The following LARS2 variants were observed in gnomAD, a reference collection of about 807,000 sequenced individuals.
LARS2 encodes the protein leucine--tRNA ligase, mitochondrial.
In LARS2, 81 loss-of-function variants were observed where a neutral mutation model predicts 116.6. The ratio of observed to expected loss-of-function variants is 0.69; its 90% confidence interval spans 0.58 to 0.84. The LOEUF is 0.84. Ranked by LOEUF, LARS2 falls within the 40% of genes least tolerant of loss-of-function variation. The pLI is 0.00. For missense variants in LARS2, 968 were observed against 1,114.5 expected, an observed-to-expected ratio of 0.87 and a Z score of 1.87; for synonymous variants, 396 against 407.2, an observed-to-expected ratio of 0.97 and a Z score of 0.33.
In LARS2 at chr3:45,520,088, A is replaced by G. The variant is rs1258642603; in HGVS notation, c.2215-131A>G. On this transcript the variant is annotated intron_variant, in intron 18 of 21. Transcript: ENST00000645846. ...AGATGAAACATAGCGATTATTTGAG[A>G]TAGTAGATATATTTATAAATATCTT... 7.7e-6 allele frequency: 5 copies of G among 652,790 alleles called. No individual in the cohort carries two copies. The East Asian group carries it at 1.4e-4, about 18-fold the overall frequency. The allele number at this position is 652,790 out of a possible 1,614,324, so 40.4% of individuals were successfully genotyped here. A position where few individuals can be genotyped will look rare whatever the true frequency, so the allele number is the denominator to read the frequency against.
intron 13 of LARS2, among the ~76,000 whole-genome samples, chr3:45,493,798 A>G (rs1315260244): frequency 1.3e-5 from 2 of 152,042 alleles, no homozygotes; most frequent in Non-Finnish European, 2.9e-5. Context: ...AGTATCAGCA[A>G]TAAAACATGT....
chr3:45,445,349 C>A (rs1182853563), intron 6 of LARS2, among the ~76,000 whole-genome samples: 1 of 152,182 alleles, frequency 6.6e-6, no homozygotes, highest in African/African-American at 2.4e-5. Flanking sequence ...AAAACAAGTT[C>A]TGTGCCATGC....
chr3:45,448,951 A>G (rs769243956), intron 7 of LARS2, among the ~76,000 whole-genome samples: 6 of 152,206 alleles, frequency 3.9e-5, no homozygotes, highest in Non-Finnish European at 7.3e-5. Flanking sequence ...CTTGTTCCCA[A>G]CACAATAGAA....
At position 45,405,487 on chromosome 3, in the gene LARS2, A is replaced by G. The variant is rs552532327; in HGVS notation, c.363+5114A>G. ...TGGACTAAGTGTTCATTGTGCATAT[A>G]TAGCCCAGAATAATGTTTCTCAAAC... On this transcript the variant is annotated intron_variant, in intron 4 of 21. Coordinates refer to ENST00000645846, the MANE Select transcript of LARS2 (RefSeq NM_015340.4). Among the ~76,000 whole-genome samples the G allele has an allele frequency of 1.6e-4, 24 of 152,344 alleles. No homozygotes were observed. In the South Asian group the frequency reaches 4.1e-3, roughly 26 times the overall value.
intron 19 of LARS2, among the ~76,000 whole-genome samples, chr3:45,523,710 A>T (rs1356573973): frequency 2.0e-5 from 3 of 150,760 alleles, no homozygotes; most frequent in Non-Finnish European, 3.0e-5. Flanking sequence ...TTTATTTTTT[A>T]ATTTTTCATA....
intron 4 of LARS2, among the ~76,000 whole-genome samples, chr3:45,413,720 ATG>A (rs1698371944): frequency 6.6e-6 from 1 of 152,222 alleles, no homozygotes; most frequent in East Asian, 1.9e-4. Flanking sequence ...AAAAATATTA[ATG>A]TGCATAGTGG....
chr3:45,470,175 G>A (rs1370901144), intron 8 of LARS2, among the ~76,000 whole-genome samples: 1 of 151,984 alleles, frequency 6.6e-6, no homozygotes, highest in Non-Finnish European at 1.5e-5. Flanking sequence ...TCTCATTTGT[G>A]GTCATGTCGT....
At chr3:45,488,984 C>G (rs920889562) in intron 12 of LARS2, among the ~76,000 whole-genome samples, 172 bp downstream of exon 12, 4 of 152,176 alleles carry the variant, frequency 2.6e-5, no homozygotes, top group African/African-American at 9.7e-5. Context: ...AGAAGTTTGC[C>G]AATTGTAAAT....
At chr3:45,547,194 A>G (rs966154530) in intron 21 of LARS2, among the ~76,000 whole-genome samples, 157 bp from the exon 22 acceptor site, 3 of 152,136 alleles carry the variant, frequency 2.0e-5, no homozygotes, top group African/African-American at 4.8e-5. Flanking sequence ...TTTTACCCTT[A>G]TGGGAAGCAG....
intron 8 of LARS2, among the ~76,000 whole-genome samples, chr3:45,461,339 C>A (rs959808495): frequency 7.2e-5 from 11 of 151,934 alleles, no homozygotes; most frequent in Admixed American, 7.2e-4. Flanking sequence ...AAGCTCCCCC[C>A]TCACACACCT....
chr3:45,407,630 T>C (rs1465216923), intron 4 of LARS2, among the ~76,000 whole-genome samples: 1 of 152,218 alleles, frequency 6.6e-6, no homozygotes, highest in Non-Finnish European at 1.5e-5. Context: ...TTCTTGGAAA[T>C]AAGAAGTGTT....
chr3:45,489,549 A>G (rs1699875287), intron 12 of LARS2, among the ~76,000 whole-genome samples: 3 of 151,914 alleles, frequency 2.0e-5, no homozygotes, highest in Admixed American at 2.0e-4. Flanking sequence ...CAGGGAACAC[A>G]TTTTGAGAAT....
chr3:45,449,599 G>A (rs1034399072), intron 7 of LARS2, among the ~76,000 whole-genome samples: 1 of 152,140 alleles, frequency 6.6e-6, no homozygotes, highest in Non-Finnish European at 1.5e-5. Flanking sequence ...TGTTGCATTA[G>A]GGATTAAGTT....
chr3:45,491,607 C>A lies in LARS2; in HGVS notation c.1330C>A (p.Leu444Met). ...GGGTGGAGACGTGACAAGTGATAAA[C>A]TGAAAGACTGGCTGATTTCACGGCA... Reference protein sequence around the residue: ...RVGGDVTSDKLKDWLISRQRY... With the variant: ...RVGGDVTSDKMKDWLISRQRY... The change falls in exon 13 of 22, where the codon CTG (leucine) becomes ATG (methionine). Residue 444 changes from leucine (L) to methionine (M), a missense_variant. Physicochemically the swap from Leu to Met is conservative, Grantham distance 15 (BLOSUM62 2). Coordinates refer to ENST00000645846, the MANE Select transcript of LARS2 (RefSeq NM_015340.4). 6.2e-7 allele frequency: 1 copy of A among 1,614,212 alleles called. No individual in the cohort carries two copies. The highest frequency in any genetic ancestry group is 8.5e-7 in the Non-Finnish European group (1 of 1,180,040).
In LARS2 at chr3:45,547,838, C is replaced by G; in HGVS notation, c.*308C>G. On this transcript the variant is annotated 3_prime_UTR_variant, in exon 22 of 22. Transcript: ENST00000645846. Reference sequence around the variant, plus strand: ...ATCCCATGGGAAGCCATCAGAGACACTGCTGGTGGGAGCAGGAAGGAGCAG... The same window carrying G: ...ATCCCATGGGAAGCCATCAGAGACAGTGCTGGTGGGAGCAGGAAGGAGCAG... 3.8e-6 allele frequency: 1 copy of G among 261,986 alleles called. No individual in the cohort carries two copies. Among genetic ancestry groups the G allele is most frequent in the African/African-American group, 2.2e-5 (1 of 44,848 alleles). The allele number at this position is 261,986 out of a possible 1,614,324, so 16.2% of individuals were successfully genotyped here.
At chr3:45,394,755 C>A in intron 3 of LARS2, 68 bp downstream of exon 3, 1 of 1,027,876 alleles carries the variant, frequency 9.7e-7, no homozygotes, top group Non-Finnish European at 1.5e-6. Flanking sequence ...TGGGGTTAGA[C>A]TACCTGGTTC....
chr3:45,476,611 C>G lies in LARS2; in HGVS notation c.1002C>G (p.Ala334=), dbSNP rs1479323562. Residue 334 remains alanine (A), a synonymous_variant, in exon 10 of 22, where the codon GCC becomes GCG. Transcript: ENST00000645846. ...CTCTGAAGGAAGCCTTGAGGATGGC[C>G]CTTGTCCCTGGCAAAGGTGAGCTGG... ...HSSLKEALRM[A]LVPGKDCLTP... The G allele has an allele frequency of 6.2e-7, 1 of 1,614,070 alleles. No individual in the cohort carries two copies. Among genetic ancestry groups the G allele is most frequent in the Admixed American group, 1.7e-5 (1 of 60,010 alleles).
intron 4 of LARS2, among the ~76,000 whole-genome samples, chr3:45,415,218 G>A (rs902157689): frequency 1.3e-5 from 2 of 152,138 alleles, no homozygotes; most frequent in African/African-American, 4.8e-5. Context: ...AGGGGTTGGG[G>A]GGTAGAGGAT....
chr3:45,439,365 C>T (rs1231428392), intron 6 of LARS2, among the ~76,000 whole-genome samples: 3 of 151,678 alleles, frequency 2.0e-5, no homozygotes, highest in African/African-American at 7.3e-5. Context: ...GGATTACAGG[C>T]GCCCACCACC....
Sources: allele counts gnomAD v4.1 joint callset (sites outside exome capture counted in the v4.1 genomes callset), GRCh38; gene constraint gnomAD v4.1.1; transcripts MANE v1.5; gene names NCBI Gene and HGNC (gene_info 2026-07-23, HGNC 2026-07-21).